Variants in SPTA1 observed in about 807,000 individuals in gnomAD.
SPTA1 encodes the protein spectrin alpha, erythrocytic 1.
SPTA1 carries 177 observed loss-of-function variants against 324.7 expected under a neutral mutation model. The observed-to-expected ratio is 0.55, with a 90% CI of 0.48 to 0.62. SPTA1 has a LOEUF of 0.62. Ranked by LOEUF, SPTA1 falls within the 20% of genes least tolerant of loss-of-function variation. The pLI, the probability that SPTA1 is intolerant of heterozygous loss-of-function variation, is 0.00. For synonymous variants in SPTA1, 1,195 were observed against 1,041.3 expected (o/e 1.15, Z -2.84); for missense variants, 3,162 against 2,883.6 (o/e 1.10, Z -2.21).
rs116151922 is a variant in SPTA1, at chr1:158,627,124, C to T, written c.5665-117G>A. 1.9e-3 allele frequency: 2,661 copies of T among 1,365,798 alleles called. 37 individuals carry two copies. The African/African-American group carries it at 0.033, about 17-fold the overall frequency. The allele number at this position is 1,365,798 out of a possible 1,614,324, so 84.6% of individuals were successfully genotyped here. A position where few individuals can be genotyped will look rare whatever the true frequency, so the allele number is the denominator to read the frequency against. On this transcript the variant is annotated intron_variant, in intron 40 of 51. Transcript: ENST00000643759. ...TTTCAAATATATAACCAAGTGTGAC[C>T]GTCTTAGTTTGTGTAAGTTTCTAGG...
At chr1:158,623,541 C>A (rs1304342838) in intron 42 of SPTA1, among the ~76,000 whole-genome samples, 4 of 152,136 alleles carry the variant, frequency 2.6e-5, no homozygotes, top group African/African-American at 9.7e-5. Context: ...TACTCTCATG[C>A]TGTTCTTGTG....
intron 36 of SPTA1, among the ~76,000 whole-genome samples, chr1:158,637,182 T>C (rs1651147052): frequency 6.6e-6 from 1 of 152,200 alleles, no homozygotes; most frequent in African/African-American, 2.4e-5. Flanking sequence ...AAAGAGCTGA[T>C]TTCATAGGAG....
intron 8 of SPTA1, 119 bp from the exon 9 acceptor site, chr1:158,674,794 G>C (rs1270328904): frequency 3.2e-5 from 45 of 1,387,148 alleles, no homozygotes; most frequent in Non-Finnish European, 4.1e-5. Context: ...CTAATCCTAG[G>C]TTCCCTTTTT....
chr1:158,633,140 C>T (rs1650802128), intron 39 of SPTA1, among the ~76,000 whole-genome samples: 1 of 152,128 alleles, frequency 6.6e-6, no homozygotes. Flanking sequence ...AAATGTAGAA[C>T]AGATTAGTGG....
intron 44 of SPTA1, among the ~76,000 whole-genome samples, chr1:158,619,791 AC>A (rs1169714256): frequency 3.7e-4 from 57 of 152,336 alleles, no homozygotes; most frequent in African/African-American, 1.3e-3. Flanking sequence ...AGCTAAAAAT[AC>A]ATACGTAGCA....
intron 26 of SPTA1, among the ~76,000 whole-genome samples, 192 bp downstream of exon 26, chr1:158,648,317 C>A (rs1451007822): frequency 6.6e-6 from 1 of 152,062 alleles, no homozygotes; most frequent in Admixed American, 6.5e-5. Flanking sequence ...GTTTTTTCCC[C>A]ATGTTAATGG....
At chr1:158,671,586 G>A (rs1654032411) in intron 11 of SPTA1, 133 bp from the exon 12 acceptor site, 3 of 726,978 alleles carry the variant, frequency 4.1e-6, no homozygotes, top group East Asian at 2.7e-5. Context: ...ATAATGGGTA[G>A]AAATTAACTT....
chr1:158,668,186 G>A, intron 14 of SPTA1, 124 bp from the exon 15 acceptor site: 4 of 1,110,896 alleles, frequency 3.6e-6, no homozygotes, highest in South Asian at 2.8e-5. Flanking sequence ...AGATAAAAGG[G>A]GGAAGTTTCC....
chr1:158,613,821 G>A lies in SPTA1; in HGVS notation c.6889C>T (p.Arg2297Trp), dbSNP rs375016862. 6.6e-5 allele frequency: 106 copies of A among 1,613,720 alleles called. No homozygotes were observed. The highest frequency in any genetic ancestry group is 1.6e-4 in the Middle Eastern group (1 of 6,080). Reference sequence around the variant, plus strand: ...TAATTGAGTCCTCTCAGGCAGGACCGGAACTCTTTGTGAGTCAGGCGCCCT... The same window carrying A: ...TAATTGAGTCCTCTCAGGCAGGACCAGAACTCTTTGTGAGTCAGGCGCCCT... ...LTGRLTHKEF[R>W]SCLRGLNYYL... Residue 2297 changes from arginine (R) to tryptophan (W), a missense_variant, in exon 50 of 52, where the codon CGG becomes TGG. Coordinates refer to ENST00000643759, the MANE Select transcript of SPTA1 (RefSeq NM_003126.4).
chr1:158,621,190 T>A, intron 43 of SPTA1, among the ~76,000 whole-genome samples: 1 of 151,936 alleles, frequency 6.6e-6, no homozygotes, highest in East Asian at 1.9e-4. Flanking sequence ...AGAAAAAGCA[T>A]GAATTTTTTC....
rs1336142609 is a variant in SPTA1 at position 158,666,380 on chromosome 1, A to T, written c.2156T>A (p.Leu719Gln). The T allele has an allele frequency of 6.2e-7, 1 of 1,613,954 alleles. No individual in the cohort carries two copies. The change falls in exon 16 of 52, where the codon CTG becomes CAG. Residue 719 changes from leucine (L) to glutamine (Q), a missense_variant. By Grantham distance (113) the Leu-to-Gln change is moderately radical (BLOSUM62 -2). Transcript: ENST00000643759. The stretch of plus-strand genomic sequence containing the variant: ...CCTGAGTCGATTCTGTACCTCGGCC[A>T]GGCCTTTCCCATAATCCTCAGAGGT... ...QVTSEDYGKGLAEVQNRLRKH... is the reference protein window; with the variant it reads ...QVTSEDYGKGQAEVQNRLRKH...
chr1:158,669,567 C>G lies in SPTA1; in HGVS notation c.1678-4G>C. 1.2e-6 allele frequency: 2 copies of G among 1,614,104 alleles called. No homozygotes were observed. Among genetic ancestry groups the G allele is most frequent in the Non-Finnish European group, 1.7e-6 (2 of 1,179,998 alleles). ...GGGCATCCCGCCGGGCTAACAGCTGCAAAAACCATGAGTAAACTTACTGTC... is the reference window on the plus strand; with the variant it reads ...GGGCATCCCGCCGGGCTAACAGCTGGAAAAACCATGAGTAAACTTACTGTC... On this transcript the variant is annotated splice_polypyrimidine_tract_variant and splice_region_variant and intron_variant, in intron 13 of 51. Transcript: ENST00000643759.
rs1649631120 is a variant in SPTA1, at chr1:158,617,545, C to T, written c.6592G>A (p.Ala2198Thr). The T allele has an allele frequency of 4.3e-6, 7 of 1,613,350 alleles. No individual in the cohort carries two copies. The highest frequency in any genetic ancestry group is 5.1e-6 in the Non-Finnish European group (6 of 1,179,412). The part of the protein sequence containing the change: ...ETGTLESQLE[A>T]NKRKQKEIQA... ...GAAAAAACAATACTTACTTTATTTG[C>T]TTCCAGCTGAGATTCCAGAGTTCCT... The change falls in exon 47 of 52, where the codon GCA becomes ACA. Residue 2198 changes from alanine to threonine, a missense_variant. Transcript: ENST00000643759.
intron 3 of SPTA1, 71 bp from the exon 4 acceptor site, chr1:158,681,738 A>C: frequency 6.2e-7 from 1 of 1,600,284 alleles, no homozygotes; most frequent in Non-Finnish European, 8.6e-7. Context: ...AGACTTGTGC[A>C]GAAAGAGACC....
At chr1:158,659,507 C>T (rs991422166) in intron 18 of SPTA1, among the ~76,000 whole-genome samples, 1 of 151,474 alleles carries the variant, frequency 6.6e-6, no homozygotes, top group Non-Finnish European at 1.5e-5. Context: ...AGAACAGTGA[C>T]ATCATCACCC....
chr1:158,649,452 C>T (rs975392624), intron 25 of SPTA1, among the ~76,000 whole-genome samples: 19 of 152,218 alleles, frequency 1.2e-4, no homozygotes, highest in Non-Finnish European at 1.8e-4. Context: ...GCTAATTTTT[C>T]ATTTTTTATT....
rs1162761565 is a variant in SPTA1 at position 158,642,990 on chromosome 1, C to G, written c.4443-14G>C. The G allele has an allele frequency of 6.2e-7, 1 of 1,613,240 alleles. No individual in the cohort carries two copies. The highest frequency in any genetic ancestry group is 8.5e-7 in the Non-Finnish European group (1 of 1,179,610). ...AGAGCCTTCCACCTAGAGGACGGAG[C>G]CAAATCACTCTATGCCCTCCTCCAC... On this transcript the variant is annotated splice_polypyrimidine_tract_variant and intron_variant, in intron 31 of 51. Transcript: ENST00000643759.
At chr1:158,679,102 A>G (rs1307165785) in intron 5 of SPTA1, among the ~76,000 whole-genome samples, 1 of 151,948 alleles carries the variant, frequency 6.6e-6, no homozygotes, top group African/African-American at 2.4e-5. Flanking sequence ...GCATCAGTCT[A>G]TTTTCATACT....
chr1:158,635,864 C>T, intron 38 of SPTA1, 49 bp downstream of exon 38: 1 of 1,613,914 alleles, frequency 6.2e-7, no homozygotes, highest in South Asian at 1.1e-5. Context: ...AACACCTGCC[C>T]AATATCCAAA....
Sources: gnomAD v4.1 joint callset for allele counts (sites outside exome capture counted in the v4.1 genomes callset) on GRCh38, gnomAD v4.1.1 for gene constraint, MANE v1.5 for transcripts, NCBI Gene and HGNC (gene_info 2026-07-23, HGNC 2026-07-21) for gene names.